Variants in PSMA1 observed in about 807,000 individuals in gnomAD.
The protein encoded by PSMA1 is proteasome 20S subunit alpha 1, also known as proteasome subunit alpha type-1.
Under a neutral mutation model 38.4 loss-of-function variants are expected in PSMA1, and 3 were observed. The observed-to-expected ratio is 0.08, with a 90% CI of 0.04 to 0.20. The LOEUF (loss-of-function observed/expected upper bound fraction) is 0.20, where lower values mean the gene tolerates loss of function less well. PSMA1 is among the 10% of genes least tolerant of loss of function. The pLI, the probability that PSMA1 is intolerant of heterozygous loss-of-function variation, is 1.00. For synonymous variants in PSMA1, 101 were observed against 107.1 expected, an observed-to-expected ratio of 0.94 and a Z score of 0.35; for missense variants, 227 against 325.3, an observed-to-expected ratio of 0.70 and a Z score of 2.32.
At chr11:14,636,448 C>A (rs1853114219) in intron 1 of PSMA1, among the ~76,000 whole-genome samples, 1 of 152,146 alleles carries the variant, frequency 6.6e-6, no homozygotes, top group Non-Finnish European at 1.5e-5. Context: ...TTCTTTAGTT[C>A]CTTGTCCCTT....
intron 1 of PSMA1, among the ~76,000 whole-genome samples, chr11:14,612,771 C>T (rs1792078442): frequency 6.6e-6 from 1 of 151,996 alleles, no homozygotes. Context: ...CTATGTTTAC[C>T]CAGAGATCAT....
At chr11:14,632,070 G>T (rs1435097541) in intron 1 of PSMA1, among the ~76,000 whole-genome samples, 1 of 139,788 alleles carries the variant, frequency 7.2e-6, no homozygotes, top group Non-Finnish European at 1.5e-5. Flanking sequence ...CTCTGCACAT[G>T]AGATGGGTTT....
At chr11:14,533,734 G>A (rs535791555) in intron 2 of PSMA1, among the ~76,000 whole-genome samples, 1 of 151,334 alleles carries the variant, frequency 6.6e-6, no homozygotes, top group Non-Finnish European at 1.5e-5. Context: ...TCTAACTTTT[G>A]AGGAATCCCT....
At chr11:14,604,982 C>G (rs930449696) in intron 2 of PSMA1, among the ~76,000 whole-genome samples, 2 of 152,114 alleles carry the variant, frequency 1.3e-5, no homozygotes, top group Non-Finnish European at 2.9e-5. Context: ...GATTCCATGT[C>G]TTTGCTATTG....
chr11:14,580,911 G>T (rs1026804360), intron 2 of PSMA1, among the ~76,000 whole-genome samples: 1 of 152,304 alleles, frequency 6.6e-6, no homozygotes, highest in East Asian at 1.9e-4. Context: ...TACTGAAGTG[G>T]AATCGTGTTG....
intron 1 of PSMA1, among the ~76,000 whole-genome samples, chr11:14,617,650 C>CT (rs986013452): frequency 6.1e-5 from 9 of 147,780 alleles, no homozygotes; most frequent in South Asian, 2.1e-4. Context: ...CTTTATTGTC[C>CT]TTTTTTTTTG....
intron 1 of PSMA1, among the ~76,000 whole-genome samples, chr11:14,619,577 C>T (rs1222410875): frequency 6.6e-6 from 1 of 152,058 alleles, no homozygotes; most frequent in Non-Finnish European, 1.5e-5. Flanking sequence ...CAAGTAAAAG[C>T]CTGAAGAAAT....
At chr11:14,608,259 G>T (rs1386085923) in intron 2 of PSMA1, among the ~76,000 whole-genome samples, 1 of 152,018 alleles carries the variant, frequency 6.6e-6, no homozygotes, top group Non-Finnish European at 1.5e-5. Context: ...ACTGAGGCAG[G>T]AGGATCTCTT....
At chr11:14,533,998 T>C (rs1024516841) in intron 2 of PSMA1, among the ~76,000 whole-genome samples, 1 of 151,894 alleles carries the variant, frequency 6.6e-6, no homozygotes, top group Non-Finnish European at 1.5e-5. Context: ...CTGACCAAAA[T>C]AGTGAAATCC....
At position 14,577,188 on chromosome 11, in the gene PSMA1, T is replaced by C. The variant is rs11023259; in HGVS notation, c.21+33778A>G. On this transcript the variant is annotated intron_variant, in intron 2 of 10. Transcript: ENST00000418988. Reference sequence around the variant, plus strand: ...ACTGTTCTAAGAAATCAGTATGTTATTTACTAACTTATTTGATTCCATGAA... The same window carrying C: ...ACTGTTCTAAGAAATCAGTATGTTACTTACTAACTTATTTGATTCCATGAA... Among the ~76,000 whole-genome samples the C allele has an allele frequency of 4.9e-3, 747 of 152,316 alleles. 33 individuals carry two copies. The East Asian group carries it at 0.11, about 22-fold the overall frequency.
At chr11:14,611,483 T>C (rs1388611418) in intron 1 of PSMA1, among the ~76,000 whole-genome samples, 2 of 152,156 alleles carry the variant, frequency 1.3e-5, no homozygotes, top group Admixed American at 6.5e-5. Context: ...AGTGGAAAAG[T>C]ATAAATAGTA....
chr11:14,620,056 G>A (rs907067025), intron 1 of PSMA1, among the ~76,000 whole-genome samples: 4 of 151,802 alleles, frequency 2.6e-5, no homozygotes, highest in East Asian at 1.9e-4. Context: ...ATAAACACTC[G>A]TGTGTGTGTG....
At chr11:14,586,712 C>G (rs931446523) in intron 2 of PSMA1, among the ~76,000 whole-genome samples, 1 of 152,090 alleles carries the variant, frequency 6.6e-6, no homozygotes, top group Non-Finnish European at 1.5e-5. Context: ...TTTCCCCCAC[C>G]GAAGAATCTC....
At chr11:14,544,696 T>G (rs1362705506) in intron 2 of PSMA1, among the ~76,000 whole-genome samples, 1 of 152,200 alleles carries the variant, frequency 6.6e-6, no homozygotes, top group Non-Finnish European at 1.5e-5. Context: ...GGAGAGGATA[T>G]TGAGAAATTG....
At chr11:14,551,101 C>T (rs755704204) in intron 2 of PSMA1, among the ~76,000 whole-genome samples, 2 of 152,166 alleles carry the variant, frequency 1.3e-5, no homozygotes, top group African/African-American at 2.4e-5. Flanking sequence ...GCAGATTTCA[C>T]TATTATCATA....
chr11:14,622,125 A>G (rs1289423302), intron 1 of PSMA1, among the ~76,000 whole-genome samples: 1 of 152,212 alleles, frequency 6.6e-6, no homozygotes, highest in Non-Finnish European at 1.5e-5. Flanking sequence ...GACTTTCAGG[A>G]GTTCGGAGTC....
chr11:14,622,208 T>C (rs1296155878), intron 1 of PSMA1, among the ~76,000 whole-genome samples: 1 of 152,230 alleles, frequency 6.6e-6, no homozygotes, highest in Non-Finnish European at 1.5e-5. Context: ...TAATGAGGTC[T>C]CAGGCACATG....
intron 2 of PSMA1, among the ~76,000 whole-genome samples, chr11:14,545,230 T>A (rs1851813399): frequency 6.6e-6 from 1 of 152,248 alleles, no homozygotes; most frequent in Non-Finnish European, 1.5e-5. Context: ...ACCAATTCTA[T>A]TGAAATGCAG....
At chr11:14,636,089 CAAAG>C (rs1362824802) in intron 1 of PSMA1, among the ~76,000 whole-genome samples, 2 of 152,072 alleles carry the variant, frequency 1.3e-5, no homozygotes, top group Non-Finnish European at 2.9e-5. Flanking sequence ...CTAAAACTAA[CAAAG>C]AAATGATGAA....
Sources: allele counts gnomAD v4.1 joint callset (sites outside exome capture counted in the v4.1 genomes callset), GRCh38; gene constraint gnomAD v4.1.1; transcripts MANE v1.5; gene names NCBI Gene and HGNC (gene_info 2026-07-23, HGNC 2026-07-21).